Variants in ASMTL observed in about 807,000 individuals in gnomAD.
The protein encoded by ASMTL is acetylserotonin O-methyltransferase like.
Under a neutral mutation model 60.3 loss-of-function variants are expected in ASMTL, and 57 were observed. The observed-to-expected ratio is 0.95, with a 90% CI of 0.76 to 1.18. ASMTL has a LOEUF of 1.18. Ranked by LOEUF, ASMTL falls within the 50% of genes most tolerant of loss-of-function variation. The probability of loss-of-function intolerance (pLI) is 0.00; values close to 1 mark genes in which losing one functional copy is unlikely to be tolerated. For missense variants in ASMTL, 981 were observed against 852.6 expected, an observed-to-expected ratio of 1.15 and a Z score of -1.88; for synonymous variants, 419 against 373.0, an observed-to-expected ratio of 1.12 and a Z score of -1.42.
At chrX:1,442,965 T>C (rs1314049134) in intron 1 of ASMTL, among the ~76,000 whole-genome samples, 1 of 150,188 alleles carries the variant, frequency 6.7e-6, no homozygotes, top group African/African-American at 2.5e-5. Flanking sequence ...CCTCTGACCA[T>C]CTCCCCTCTG....
chrX:1,439,704 C>T (rs1232677978), intron 2 of ASMTL, among the ~76,000 whole-genome samples: 21 of 151,650 alleles, frequency 1.4e-4, no homozygotes, highest in Admixed American at 4.6e-4. Context: ...AAATATCAGT[C>T]GGGCACCTGT....
chrX:1,417,710 A>G (rs1603450802), intron 11 of ASMTL, among the ~76,000 whole-genome samples: 1 of 142,852 alleles, frequency 7.0e-6, no homozygotes, highest in Non-Finnish European at 1.5e-5. Flanking sequence ...GTGCACACAC[A>G]TGCGGATGCA....
chrX:1,432,053 G>GC lies in ASMTL; in HGVS notation c.509+215dup, dbSNP rs1314723856. On this transcript the variant is annotated intron_variant, in intron 6 of 12. Transcript: ENST00000381317. ...GCAGCCCAGCGTTGGCTCCCACCCTGCCCCTCTCTGTCCTGGGAGTTTGCC... is the reference window on the plus strand; with the variant it reads ...GCAGCCCAGCGTTGGCTCCCACCCTGCCCCCTCTCTGTCCTGGGAGTTTGCC... 1.7e-5 allele frequency: 10 copies of GC among 592,202 alleles called. No homozygotes were observed. The Admixed American group carries it at 3.0e-4, about 18-fold the overall frequency. The allele number at this position is 592,202 out of a possible 1,614,324, so 36.7% of individuals were successfully genotyped here. A position where few individuals can be genotyped will look rare whatever the true frequency, so the allele number is the denominator to read the frequency against.
intron 11 of ASMTL, among the ~76,000 whole-genome samples, chrX:1,414,572 G>T (rs1172581526): frequency 6.6e-6 from 1 of 152,118 alleles, no homozygotes; most frequent in Non-Finnish European, 1.5e-5. Context: ...GCCAGGCGTG[G>T]TGGCGGGCAC....
At chrX:1,441,828 A>T (rs1221812418) in intron 2 of ASMTL, 1 of 226,998 alleles carries the variant, frequency 4.4e-6, no homozygotes, top group Non-Finnish European at 8.7e-6. Flanking sequence ...AACACATAGT[A>T]ATAGATAAGC....
At position 1,428,250 on chromosome X, in the gene ASMTL, A is replaced by T. The variant is rs750563289; in HGVS notation, c.510-129T>A. 7 of 1,168,360 alleles carry T rather than the reference A, an allele frequency of 6.0e-6. No individual in the cohort carries two copies. The South Asian group carries it at 9.7e-5, about 16-fold the overall frequency. 72.4% of individuals were successfully genotyped at this position (1,168,360 alleles called of 1,614,324 possible). Reference sequence around the variant, plus strand: ...AGATCGAGGCCATCCTGGCTAACACAGTGAAACCCTGTCTCTACTAAAAAA... The same window carrying T: ...AGATCGAGGCCATCCTGGCTAACACTGTGAAACCCTGTCTCTACTAAAAAA... On this transcript the variant is annotated intron_variant, in intron 6 of 12. Coordinates refer to ENST00000381317, the MANE Select transcript of ASMTL (RefSeq NM_004192.4).
intron 5 of ASMTL, among the ~76,000 whole-genome samples, chrX:1,434,558 C>CT (rs1225503799): frequency 1.3e-5 from 2 of 150,628 alleles, no homozygotes; most frequent in African/African-American, 4.9e-5. Context: ...AATCCCAGCA[C>CT]TTTGGGAGGC....
At chrX:1,410,743 CATGGTG>C (rs1467632222) in intron 12 of ASMTL, among the ~76,000 whole-genome samples, 7 of 36,106 alleles carry the variant, frequency 1.9e-4, no homozygotes, top group Admixed American at 1.0e-3. Flanking sequence ...ATTAGCTGGG[CATGGTG>C]ATGCATGATG....
At chrX:1,419,228 C>T (rs370734121) in intron 9 of ASMTL, 114 bp from the exon 10 acceptor site, 72 of 1,228,354 alleles carry the variant, frequency 5.9e-5, no homozygotes, top group Middle Eastern at 5.5e-4. Flanking sequence ...GGGGCTCAGC[C>T]GCGCCTGGGC....
intron 1 of ASMTL, among the ~76,000 whole-genome samples, chrX:1,450,011 C>G (rs1400135799): frequency 1.3e-5 from 2 of 150,312 alleles, no homozygotes; most frequent in African/African-American, 4.9e-5. Context: ...TCACCAGTAA[C>G]TATCTCCCAT....
intron 1 of ASMTL, among the ~76,000 whole-genome samples, chrX:1,450,968 G>GC (rs1288597201): frequency 6.9e-6 from 1 of 144,668 alleles, no homozygotes; most frequent in Non-Finnish European, 1.5e-5. Flanking sequence ...CCATCCCTAG[G>GC]GGTCCTGGGT....
intron 8 of ASMTL, among the ~76,000 whole-genome samples, chrX:1,423,703 C>T (rs1307548923): frequency 6.6e-6 from 1 of 151,320 alleles, no homozygotes; most frequent in East Asian, 1.9e-4. Context: ...CATCCATTCC[C>T]CCACCCAGCT....
intron 12 of ASMTL, among the ~76,000 whole-genome samples, chrX:1,406,100 A>T (rs1243945370): frequency 1.3e-5 from 2 of 148,686 alleles, no homozygotes; most frequent in Non-Finnish European, 3.0e-5. Context: ...GGGTGAATAA[A>T]TGGGTAGGTA....
intron 12 of ASMTL, among the ~76,000 whole-genome samples, chrX:1,404,686 G>C (rs1172516796): frequency 2.1e-4 from 5 of 23,890 alleles, no homozygotes; most frequent in African/African-American, 4.1e-4. Flanking sequence ...TAGATGATGG[G>C]TAGGTAGATG....
chrX:1,406,107 GGTA>G (rs2089825739), intron 12 of ASMTL, among the ~76,000 whole-genome samples: 1 of 149,128 alleles, frequency 6.7e-6, no homozygotes, highest in Non-Finnish European at 1.5e-5. Flanking sequence ...TAAATGGGTA[GGTA>G]GGTAGGTAGA....
At chrX:1,427,117 TA>T (rs781268145) in intron 7 of ASMTL, among the ~76,000 whole-genome samples, 340 of 152,310 alleles carry the variant, frequency 2.2e-3, no homozygotes, top group Admixed American at 4.6e-3. Context: ...GGTGTCCTTC[TA>T]AGAGACAGAA....
chrX:1,431,009 T>C (rs868229931), intron 6 of ASMTL, among the ~76,000 whole-genome samples: 26 of 131,950 alleles, frequency 2.0e-4, no homozygotes, highest in African/African-American at 7.0e-4. Flanking sequence ...TATTATGTAA[T>C]ATGTATTAAT....
At chrX:1,452,024 A>C (rs113297658) in intron 1 of ASMTL, among the ~76,000 whole-genome samples, 12,481 of 106,494 alleles carry the variant, frequency 0.12, 1,694 homozygotes, top group African/African-American at 0.36. Flanking sequence ...ACTCTCTCCA[A>C]CCCCATCCCT....
chrX:1,434,253 G>C (rs2090898368), intron 5 of ASMTL, among the ~76,000 whole-genome samples: 1 of 152,150 alleles, frequency 6.6e-6, no homozygotes, highest in South Asian at 2.1e-4. Context: ...ACTTTGGGAG[G>C]CTGAGATGGG....
Sources: gnomAD v4.1 joint callset for allele counts (sites outside exome capture counted in the v4.1 genomes callset) on GRCh38, gnomAD v4.1.1 for gene constraint, MANE v1.5 for transcripts, NCBI Gene and HGNC (gene_info 2026-07-23, HGNC 2026-07-21) for gene names.